Variants in CTBP1 observed in about 807,000 individuals in gnomAD.
The protein encoded by CTBP1 is C-terminal-binding protein 1.
Under a neutral mutation model 42.1 loss-of-function variants are expected in CTBP1, and 11 were observed. The ratio of observed to expected loss-of-function variants is 0.26; its 90% CI spans 0.16 to 0.43. CTBP1 has a LOEUF of 0.43. Among genes scored for constraint, CTBP1 ranks in the 20% least tolerant of loss-of-function variants. The probability of loss-of-function intolerance (pLI) is 1.00; values close to 1 mark genes in which losing one functional copy is unlikely to be tolerated. For synonymous variants in CTBP1, 324 were observed against 277.1 expected (o/e 1.17, Z -1.68); for missense variants, 399 against 624.3 (o/e 0.64, Z 3.85).
At chr4:1,214,593 C>A (rs1313613078) in intron 6 of CTBP1, 120 bp from the exon 7 acceptor site, 8 of 1,282,742 alleles carry the variant, frequency 6.2e-6, no homozygotes, top group African/African-American at 3.2e-5. Flanking sequence ...CTTCCCAGCC[C>A]CACCCTGGGC....
intron 8 of CTBP1, among the ~76,000 whole-genome samples, 189 bp downstream of exon 8, chr4:1,213,285 CTGTG>C (rs1398544578): frequency 4.6e-5 from 7 of 152,184 alleles, no homozygotes; most frequent in Admixed American, 6.5e-5. Flanking sequence ...CCAGCAGGTC[CTGTG>C]TGTAAGACAC....
chr4:1,213,548 T>C lies in CTBP1; in HGVS notation c.918A>G (p.Ala306=). The change falls in exon 8 of 10, where the codon GCA becomes GCG. Residue 306 remains alanine (A), a synonymous_variant. Coordinates refer to ENST00000382952, the MANE Select transcript of CTBP1 (RefSeq NM_001012614.2). The stretch of plus-strand genomic sequence containing the variant: ...CGATGGATGCCTGCTCGCTGTACCA[T>C]GCAGCATGGGGGGTGCAGATGAGGT... ...APNLICTPHA[A]WYSEQASIEM... is the part of the protein sequence containing the mutation. 1 of 1,613,252 alleles carries C rather than the reference T, an allele frequency of 6.2e-7. No individual in the cohort carries two copies. Among genetic ancestry groups the C allele is most frequent in the Non-Finnish European group, 8.5e-7 (1 of 1,179,920 alleles).
At chr4:1,248,741 G>A in intron 1 of CTBP1, 175 bp downstream of exon 1, 1 of 979,630 alleles carries the variant, frequency 1.0e-6, no homozygotes, top group Non-Finnish European at 1.2e-6. Context: ...GACCCTTCCC[G>A]CGGTCCCGCC....
At position 1,212,892 on chromosome 4, in the gene CTBP1, T is replaced by G. The variant is rs751283340; in HGVS notation, c.1106+21A>C. ...CCTGGGGCCCTCCTGGAGGCTGTTC[T>G]GGGCCAGCGGGCCTGCTCACCTATA... On this transcript the variant is annotated intron_variant, in intron 9 of 9. Transcript: ENST00000382952. 1.0e-5 allele frequency: 16 copies of G among 1,604,978 alleles called. 1 individual carries two copies. The highest frequency in any genetic ancestry group is 5.5e-5 in the South Asian group (5 of 90,896).
rs187804891 is a variant in CTBP1, at chr4:1,234,372, T to G, written c.162+3811A>C. On this transcript the variant is annotated intron_variant, in intron 3 of 9. Transcript: ENST00000382952. ...GGCTCTGCTTCTGGTTAGGGGCTGCTTCAGGCCCCTCCAGGATGCCAGGAC... is the reference window on the plus strand; with the variant it reads ...GGCTCTGCTTCTGGTTAGGGGCTGCGTCAGGCCCCTCCAGGATGCCAGGAC... 1.6e-3 allele frequency among the ~76,000 whole-genome samples: 243 copies of G among 152,324 alleles called. 1 individual carries two copies. Among genetic ancestry groups the G allele is most frequent in the African/African-American group, 5.5e-3 (229 of 41,574 alleles).
rs1415006173 is a variant in CTBP1, at chr4:1,211,867, AAAAAAAAAAAAAC to A, written c.*360_*372del. On this transcript the variant is annotated 3_prime_UTR_variant, in exon 10 of 10. Transcript: ENST00000382952. ...ATTCTGGGGCACGTTCCAACATACA[AAAAAAAAAAAAAC>A]AAAAAAAAAAACCTCAAATTGACTT... 5 of 159,196 alleles carry A rather than the reference AAAAAAAAAAAAAC, an allele frequency of 3.1e-5. No individual in the cohort carries two copies. The highest frequency in any genetic ancestry group is 2.1e-4 in the South Asian group (1 of 4,842). The allele number at this position is 159,196 out of a possible 1,614,324, so 9.9% of individuals were successfully genotyped here.
chr4:1,247,692 C>T (rs764512081), intron 1 of CTBP1, among the ~76,000 whole-genome samples: 9 of 152,002 alleles, frequency 5.9e-5, no homozygotes, highest in Non-Finnish European at 1.2e-4. Context: ...GCGGGCCCAG[C>T]CGCCAGCGCC....
intron 5 of CTBP1, among the ~76,000 whole-genome samples, chr4:1,221,131 C>T (rs191180683): frequency 6.6e-6 from 1 of 152,250 alleles, no homozygotes; most frequent in African/African-American, 2.4e-5. Context: ...ACGCAGACCA[C>T]GTGAGGGCTT....
intron 2 of CTBP1, among the ~76,000 whole-genome samples, chr4:1,239,497 C>T (rs1166730336): frequency 6.6e-6 from 1 of 152,252 alleles, no homozygotes; most frequent in Non-Finnish European, 1.5e-5. Flanking sequence ...TCGGCCCAGT[C>T]TCCCGCCCCA....
chr4:1,215,433 A>G, intron 6 of CTBP1: 1 of 203,096 alleles, frequency 4.9e-6, no homozygotes, highest in Non-Finnish European at 1.0e-5. Flanking sequence ...AAGGGCCTGG[A>G]GCCAGCGGGA....
At chr4:1,225,637 T>C (rs1730254934) in intron 4 of CTBP1, 71 bp from the exon 5 acceptor site, 1 of 1,440,928 alleles carries the variant, frequency 6.9e-7, no homozygotes, top group Non-Finnish European at 9.3e-7. Flanking sequence ...GGGGCCGCCG[T>C]GACTGGAGCG....
Position 1,233,843 on chromosome 4 carries a change from CCTGA to C in CTBP1, c.162+4336_162+4339del, listed in dbSNP as rs1419945175. ...AGTTTCTGCCCCAGGAGGCAGAATTCCTGACTAACAGTGGCACACAAAGCAGGTG... is the reference window on the plus strand; with the variant it reads ...AGTTTCTGCCCCAGGAGGCAGAATTCCTAACAGTGGCACACAAAGCAGGTG... On this transcript the variant is annotated intron_variant, in intron 3 of 9. Coordinates refer to ENST00000382952, the MANE Select transcript of CTBP1 (RefSeq NM_001012614.2). The surrounding 1 kb of genome is among the most constrained non-coding windows in gnomAD (Gnocchi z 4.6). 6.6e-6 allele frequency among the ~76,000 whole-genome samples: 1 copy of C among 152,240 alleles called. No individual in the cohort carries two copies. Among genetic ancestry groups the C allele is most frequent in the Non-Finnish European group, 1.5e-5 (1 of 68,040 alleles).
chr4:1,249,264 G>A (rs1308786165), upstream of CTBP1: 2 of 148,758 alleles, frequency 1.3e-5, no homozygotes, highest in African/African-American at 2.4e-5. Flanking sequence ...GGCGGGGCGG[G>A]AGCCTGGCGG....
In CTBP1 at chr4:1,238,358, C is replaced by T. The variant is rs1451787563; in HGVS notation, c.8-21G>A. ...GACGCCTGCAAGACAGAGGCAAGTG[C>T]TCAGCCTTGCACCACTGCGGCCCCG... is the stretch of plus-strand genomic sequence containing the variant. On this transcript the variant is annotated intron_variant, in intron 2 of 9. Coordinates refer to ENST00000382952, the MANE Select transcript of CTBP1 (RefSeq NM_001012614.2). The surrounding 1 kb of genome is among the most constrained non-coding windows in gnomAD (Gnocchi z 5.9). The T allele has an allele frequency of 6.5e-7, 1 of 1,542,398 alleles. No individual in the cohort carries two copies. The highest frequency in any genetic ancestry group is 1.2e-5 in the South Asian group (1 of 81,544).
chr4:1,216,163 C>T lies in CTBP1; in HGVS notation c.557G>A (p.Gly186Asp). 1 of 1,610,936 alleles carries T rather than the reference C, an allele frequency of 6.2e-7. No individual in the cohort carries two copies. The highest frequency in any genetic ancestry group is 8.5e-7 in the Non-Finnish European group (1 of 1,179,830). Residue 186 changes from glycine to aspartate, a missense_variant, in exon 6 of 10, where the codon GGC becomes GAC. Gly to Asp is a moderately conservative substitution (Grantham distance 94). This residue lies in a region of CTBP1 where 309 missense variants were observed against 497.5 expected (regional missense o/e 0.62). Coordinates refer to ENST00000382952, the MANE Select transcript of CTBP1 (RefSeq NM_001012614.2). ...QAVALRAKAF[G>D]FNVLFYDPYL... is the part of the protein sequence containing the mutation. ...AGGGTCGTAGAAGAGCACGTTGAAG[C>T]CGAAGGCCTTGGCCCGCAGCGCCAC...
intron 8 of CTBP1, 113 bp downstream of exon 8, chr4:1,213,365 G>T: frequency 6.6e-7 from 1 of 1,524,004 alleles, no homozygotes; most frequent in Non-Finnish European, 8.9e-7. Flanking sequence ...AGAGCACCAC[G>T]GGCCCTGAGC....
At chr4:1,243,059 T>C in intron 1 of CTBP1, 2 of 985,434 alleles carry the variant, frequency 2.0e-6, no homozygotes, top group Non-Finnish European at 2.4e-6. Flanking sequence ...TACCGGCTGA[T>C]ACTCATTGAT....
intron 5 of CTBP1, among the ~76,000 whole-genome samples, chr4:1,218,880 G>C (rs1364685808): frequency 2.0e-5 from 3 of 152,116 alleles, no homozygotes; most frequent in Non-Finnish European, 4.4e-5. Flanking sequence ...GAAAAACAAG[G>C]ATGAACAGAA....
At chr4:1,237,353 G>GAAA (rs1731640132) in intron 3 of CTBP1, 1 of 617,700 alleles carries the variant, frequency 1.6e-6, no homozygotes, top group African/African-American at 2.1e-5. Flanking sequence ...GGGGCTCAGG[G>GAAA]AAAACCCCAT....
Sources: allele counts gnomAD v4.1 joint callset (sites outside exome capture counted in the v4.1 genomes callset), GRCh38; gene constraint gnomAD v4.1.1; regional missense constraint gnomAD v4.1.1; non-coding constraint Gnocchi (gnomAD v3.1); transcripts MANE v1.5; gene names NCBI Gene and HGNC (gene_info 2026-07-23, HGNC 2026-07-21).